SCN11A: variants seen among roughly 807,000 people sequenced by gnomAD.
SCN11A encodes the protein sodium channel protein type 11 subunit alpha.
In SCN11A, 122 loss-of-function variants were observed where a neutral mutation model predicts 162.2. The observed-to-expected ratio is 0.75, with a 90% CI of 0.65 to 0.87. The LOEUF is 0.87. Ranked by LOEUF, SCN11A falls within the 40% of genes least tolerant of loss-of-function variation. SCN11A has a pLI of 0.00. For synonymous variants in SCN11A, 758 were observed against 751.5 expected (o/e 1.01, Z -0.14); for missense variants, 2,015 against 2,181.6 (o/e 0.92, Z 1.52).
At chr3:38,907,350 C>CA (rs1559523584) in intron 14 of SCN11A, among the ~76,000 whole-genome samples, 2 of 51,486 alleles carry the variant, frequency 3.9e-5, no homozygotes, top group Admixed American at 2.5e-4. Flanking sequence ...GTGTATATAT[C>CA]TATATATACA....
chr3:38,998,620 C>A (rs545421336), intron 2 of SCN11A, among the ~76,000 whole-genome samples: 1 of 152,050 alleles, frequency 6.6e-6, no homozygotes, highest in Middle Eastern at 3.4e-3. Flanking sequence ...ATGTTTATTG[C>A]GACACTATTC....
intron 2 of SCN11A, among the ~76,000 whole-genome samples, chr3:39,006,200 T>C (rs1264415590): frequency 6.6e-6 from 1 of 152,262 alleles, no homozygotes; most frequent in Non-Finnish European, 1.5e-5. Flanking sequence ...TACATTCTGA[T>C]ATTCACTATG....
chr3:38,990,158 G>C (rs944732636), intron 2 of SCN11A, among the ~76,000 whole-genome samples: 1 of 152,178 alleles, frequency 6.6e-6, no homozygotes, highest in African/African-American at 2.4e-5. Context: ...AAAACAGTTG[G>C]CTCTAAATTT....
At chr3:38,975,296 C>T (rs570491052) in intron 2 of SCN11A, among the ~76,000 whole-genome samples, 3 of 151,784 alleles carry the variant, frequency 2.0e-5, no homozygotes, top group Non-Finnish European at 4.4e-5. Flanking sequence ...TGAGTAAAAA[C>T]GTAGGTGGAT....
In SCN11A at chr3:38,846,091, T is replaced by C. The variant is rs1247687525; in HGVS notation, c.*603A>G. On this transcript the variant is annotated 3_prime_UTR_variant, in exon 30 of 30. Coordinates refer to ENST00000302328, the MANE Select transcript of SCN11A (RefSeq NM_001349253.2). ...GTTTTTTGTTTCTTATTCTTTTTTG[T>C]TTAGATATAATTTGAACCATGTTTC... The C allele has an allele frequency of 6.6e-6, 1 of 152,192 alleles. No homozygotes were observed. Among genetic ancestry groups the C allele is most frequent in the Non-Finnish European group, 1.5e-5 (1 of 68,038 alleles). 9.4% of individuals were successfully genotyped at this position (152,192 alleles called of 1,614,324 possible).
At chr3:39,025,258 T>C (rs2031559904) in intron 2 of SCN11A, among the ~76,000 whole-genome samples, 1 of 152,084 alleles carries the variant, frequency 6.6e-6, no homozygotes, top group African/African-American at 2.4e-5. Context: ...CAGTCTCCTT[T>C]AGTTCAAAGT....
chr3:39,027,955 CTTCT>C (rs1157972853), intron 2 of SCN11A, among the ~76,000 whole-genome samples: 2 of 152,196 alleles, frequency 1.3e-5, no homozygotes, highest in East Asian at 1.9e-4. Context: ...TAGTTGAAGA[CTTCT>C]TTCTCACCTC....
At chr3:38,980,554 C>A (rs531204743) in intron 2 of SCN11A, among the ~76,000 whole-genome samples, 170 of 152,168 alleles carry the variant, frequency 1.1e-3, no homozygotes, top group Non-Finnish European at 2.1e-3. Flanking sequence ...AGATGGTAAA[C>A]TAAACATCAT....
At chr3:38,880,539 T>C (rs2065291817) in intron 22 of SCN11A, among the ~76,000 whole-genome samples, 1 of 152,170 alleles carries the variant, frequency 6.6e-6, no homozygotes, top group Non-Finnish European at 1.5e-5. Context: ...TCAGTGTCTC[T>C]TTATTGCTTA....
intron 11 of SCN11A, among the ~76,000 whole-genome samples, chr3:38,915,697 T>TG (rs201874040): frequency 0.014 from 2,113 of 152,306 alleles, 47 homozygotes; most frequent in African/African-American, 0.047. Context: ...CTTTTGCATT[T>TG]GCTGAAGCTT....
At chr3:38,935,517 A>T (rs1177620200) in intron 7 of SCN11A, among the ~76,000 whole-genome samples, 1 of 152,238 alleles carries the variant, frequency 6.6e-6, no homozygotes, top group African/African-American at 2.4e-5. Context: ...ATAATCAAAT[A>T]GAAGCAATAA....
chr3:38,906,806 T>C (rs993337959), intron 14 of SCN11A, among the ~76,000 whole-genome samples: 5 of 152,168 alleles, frequency 3.3e-5, no homozygotes, highest in African/African-American at 7.2e-5. Context: ...TTAGCCCTCA[T>C]TGAAAAGGGT....
At chr3:38,924,806 G>GC (rs1235617351) in intron 9 of SCN11A, among the ~76,000 whole-genome samples, 6 of 151,830 alleles carry the variant, frequency 4.0e-5, no homozygotes, top group African/African-American at 7.3e-5. Context: ...ACTGTACCCG[G>GC]CCCCCCCTTC....
intron 1 of SCN11A, among the ~76,000 whole-genome samples, chr3:39,046,829 T>C (rs2032192628): frequency 6.6e-6 from 1 of 152,106 alleles, no homozygotes; most frequent in Non-Finnish European, 1.5e-5. Flanking sequence ...CAAGCAATCC[T>C]CCCACTTTAG....
At chr3:38,910,280 T>C (rs2125538401) in intron 11 of SCN11A, 73 bp from the exon 12 acceptor site, 1 of 1,500,984 alleles carries the variant, frequency 6.7e-7, no homozygotes, top group South Asian at 1.3e-5. Context: ...CCAACGACTC[T>C]GGTTTTTCCA....
intron 23 of SCN11A, among the ~76,000 whole-genome samples, chr3:38,875,058 T>C (rs1033949518): frequency 1.3e-5 from 2 of 152,164 alleles, no homozygotes; most frequent in Non-Finnish European, 2.9e-5. Context: ...CTTTGCAACA[T>C]CTACCATATT....
intron 1 of SCN11A, among the ~76,000 whole-genome samples, chr3:39,047,210 C>T (rs1228536531): frequency 1.3e-5 from 2 of 151,742 alleles, no homozygotes. Context: ...GCTGGGACTA[C>T]AGGCATGTAC....
At chr3:39,035,319 T>C (rs2031874210) in intron 1 of SCN11A, among the ~76,000 whole-genome samples, 1 of 152,168 alleles carries the variant, frequency 6.6e-6, no homozygotes, top group Non-Finnish European at 1.5e-5. Flanking sequence ...TCACTTTTGA[T>C]AAAGGTGCCA....
chr3:38,859,394 C>A (rs778349077), intron 28 of SCN11A, among the ~76,000 whole-genome samples: 1 of 151,978 alleles, frequency 6.6e-6, no homozygotes, highest in African/African-American at 2.4e-5. Flanking sequence ...CAAACACATA[C>A]ATGCACAAAT....
Sources: allele counts gnomAD v4.1 joint callset (sites outside exome capture counted in the v4.1 genomes callset), GRCh38; gene constraint gnomAD v4.1.1; transcripts MANE v1.5; gene names NCBI Gene and HGNC (gene_info 2026-07-23, HGNC 2026-07-21).